Variants in ZRANB3 observed in about 807,000 individuals in gnomAD.
ZRANB3 encodes the protein DNA annealing helicase and endonuclease ZRANB3.
In ZRANB3, 125 loss-of-function variants were observed where a neutral mutation model predicts 133.8. The observed-to-expected ratio is 0.93, with a 90% CI of 0.81 to 1.08. The LOEUF (loss-of-function observed/expected upper bound fraction) is 1.08. ZRANB3 is among the 50% of genes least tolerant of loss of function. ZRANB3 has a pLI of 0.00. For synonymous variants in ZRANB3, 387 were observed against 432.7 expected, an observed-to-expected ratio of 0.89 and a Z score of 1.31; for missense variants, 1,229 against 1,275.5, an observed-to-expected ratio of 0.96 and a Z score of 0.56.
At chr2:135,474,445 T>G (rs1691413934) in intron 2 of ZRANB3, among the ~76,000 whole-genome samples, 1 of 152,070 alleles carries the variant, frequency 6.6e-6, no homozygotes, top group Admixed American at 6.6e-5. Context: ...ATCTGGCTCA[T>G]GGGGGTGTGG....
intron 2 of ZRANB3, among the ~76,000 whole-genome samples, chr2:135,442,286 A>C (rs897318588): frequency 4.6e-5 from 7 of 152,234 alleles, no homozygotes; most frequent in Non-Finnish European, 7.3e-5. Flanking sequence ...AAATTTTTGC[A>C]ATCTACCCAT....
At chr2:135,456,581 A>T (rs970888423) in intron 2 of ZRANB3, among the ~76,000 whole-genome samples, 1 of 152,224 alleles carries the variant, frequency 6.6e-6, no homozygotes, top group South Asian at 2.1e-4. Flanking sequence ...CTGTATTAAT[A>T]GTTAATTTTA....
chr2:135,482,957 G>A (rs557807171), intron 2 of ZRANB3, among the ~76,000 whole-genome samples: 2 of 151,974 alleles, frequency 1.3e-5, no homozygotes, highest in African/African-American at 2.4e-5. Context: ...TTGCATCCCA[G>A]GGATGAAGCC....
intron 12 of ZRANB3, among the ~76,000 whole-genome samples, chr2:135,232,806 T>C (rs528318015): frequency 1.3e-5 from 2 of 151,984 alleles, no homozygotes; most frequent in African/African-American, 2.4e-5. Flanking sequence ...ATCACCATCA[T>C]CAAAGACCAA....
In ZRANB3 at chr2:135,219,112, G is replaced by A. The variant is rs753567922; in HGVS notation, c.2317C>T (p.Pro773Ser). ...DIKLDLWEDLPASFQLKQYRS... is the reference protein window; with the variant it reads ...DIKLDLWEDLSASFQLKQYRS... ...TATTGTTTCAGCTGAAAGCTTGCTG[G>A]TAAATCTTCCCAAAGGTCTAATTTT... is the stretch of plus-strand genomic sequence containing the variant. The change falls in exon 16 of 21, where the codon CCA (proline) becomes TCA (serine). Residue 773 changes from proline (P) to serine (S), a missense_variant. By Grantham distance (74) the Pro-to-Ser change is moderately conservative (BLOSUM62 -1). Transcript: ENST00000264159. 1 of 1,530,256 alleles carries A rather than the reference G, an allele frequency of 6.5e-7. No homozygotes were observed. The allele number at this position is 1,530,256 out of a possible 1,614,324, so 94.8% of individuals were successfully genotyped here. A position where few individuals can be genotyped will look rare whatever the true frequency, so the allele number is the denominator to read the frequency against.
intron 2 of ZRANB3, among the ~76,000 whole-genome samples, chr2:135,412,357 T>C (rs1009770885): frequency 1.3e-5 from 2 of 152,302 alleles, no homozygotes; most frequent in Admixed American, 6.5e-5. Context: ...TCTATCAACA[T>C]TGAGTTATCA....
intron 2 of ZRANB3, among the ~76,000 whole-genome samples, chr2:135,449,370 A>T (rs533582919): frequency 1.3e-5 from 2 of 152,336 alleles, no homozygotes. Flanking sequence ...CTGTAATTCC[A>T]GCACTTTGGG....
intron 8 of ZRANB3, among the ~76,000 whole-genome samples, chr2:135,295,786 C>A (rs1682038752): frequency 6.6e-6 from 1 of 152,186 alleles, no homozygotes; most frequent in Non-Finnish European, 1.5e-5. Context: ...GTGACAAAAT[C>A]TCTCAGCATT....
At chr2:135,218,032 T>G (rs968960346) in intron 16 of ZRANB3, among the ~76,000 whole-genome samples, 1 of 152,102 alleles carries the variant, frequency 6.6e-6, no homozygotes. Context: ...AGGCTCGTCT[T>G]AAACTCCTGG....
intron 2 of ZRANB3, among the ~76,000 whole-genome samples, chr2:135,480,555 A>C (rs1467743136): frequency 6.6e-6 from 1 of 152,106 alleles, no homozygotes; most frequent in Admixed American, 6.6e-5. Flanking sequence ...TTACTATGAA[A>C]TCTTCTCTTA....
intron 6 of ZRANB3, among the ~76,000 whole-genome samples, chr2:135,334,422 T>C (rs1417348603): frequency 6.6e-6 from 1 of 152,198 alleles, no homozygotes; most frequent in Non-Finnish European, 1.5e-5. Flanking sequence ...AATATTTATC[T>C]AATTATTTTT....
chr2:135,498,058 TAATAAATAATA>T (rs1232713361), intron 2 of ZRANB3, among the ~76,000 whole-genome samples: 3 of 147,126 alleles, frequency 2.0e-5, no homozygotes. Flanking sequence ...CTCTAAAAAA[TAATAAATAATA>T]AATAAATAAA....
At chr2:135,407,201 A>G (rs1050894788) in intron 2 of ZRANB3, among the ~76,000 whole-genome samples, 116 of 152,336 alleles carry the variant, frequency 7.6e-4, no homozygotes, top group East Asian at 1.7e-3. Flanking sequence ...GAGCCAAATC[A>G]TGAGTGAACT....
intron 11 of ZRANB3, among the ~76,000 whole-genome samples, chr2:135,266,749 A>G (rs1194813201): frequency 6.6e-6 from 1 of 151,746 alleles, no homozygotes; most frequent in Non-Finnish European, 1.5e-5. Flanking sequence ...TGGGCGATAG[A>G]GCAAGACTCC....
chr2:135,200,487 C>G lies in ZRANB3; in HGVS notation c.3142-47G>C, dbSNP rs768935977. 127 of 1,453,476 alleles carry G rather than the reference C, an allele frequency of 8.7e-5. No homozygotes were observed. In the African/African-American group the frequency reaches 1.5e-3, roughly 17 times the overall value. The allele number at this position is 1,453,476 out of a possible 1,614,324, so 90.0% of individuals were successfully genotyped here. ...TGTGTACACGTTAGGAAAAAAGCAC[C>G]GGCTACAAAAGCTCAAAAACTCTTT... On this transcript the variant is annotated intron_variant, in intron 20 of 20. Coordinates refer to ENST00000264159, the MANE Select transcript of ZRANB3 (RefSeq NM_032143.4).
chr2:135,329,124 G>A (rs1234626908), intron 6 of ZRANB3, among the ~76,000 whole-genome samples: 2 of 152,044 alleles, frequency 1.3e-5, no homozygotes, highest in Non-Finnish European at 2.9e-5. Flanking sequence ...TTAGTCATGA[G>A]GCCCTTGCCC....
chr2:135,332,572 T>C (rs895191275), intron 6 of ZRANB3, among the ~76,000 whole-genome samples: 3 of 152,182 alleles, frequency 2.0e-5, no homozygotes, highest in Admixed American at 6.6e-5. Flanking sequence ...AAAATGCTTC[T>C]TAAAACATGG....
intron 12 of ZRANB3, among the ~76,000 whole-genome samples, chr2:135,244,476 T>C (rs1695698854): frequency 6.6e-6 from 1 of 151,962 alleles, no homozygotes. Context: ...TGCGTGGTGG[T>C]GGGTGCCTGT....
At chr2:135,398,675 T>C (rs909991207) in intron 2 of ZRANB3, among the ~76,000 whole-genome samples, 3 of 151,114 alleles carry the variant, frequency 2.0e-5, no homozygotes, top group Admixed American at 1.3e-4. Context: ...CCCGCCACCA[T>C]GCCCAGCTAA....
Sources: allele counts gnomAD v4.1 joint callset (sites outside exome capture counted in the v4.1 genomes callset), GRCh38; gene constraint gnomAD v4.1.1; transcripts MANE v1.5; gene names NCBI Gene and HGNC (gene_info 2026-07-23, HGNC 2026-07-21).